PCDHA5: variants seen among roughly 807,000 people sequenced by gnomAD.
The protein encoded by PCDHA5 is protocadherin alpha 5.
In PCDHA5, 43 loss-of-function variants were observed where a neutral mutation model predicts 61.6. The observed-to-expected ratio is 0.70, with a 90% CI of 0.55 to 0.90. PCDHA5 has a LOEUF of 0.90. PCDHA5 is among the 40% of genes least tolerant of loss of function. The pLI is 0.00. For missense variants in PCDHA5, 1,298 were observed against 1,222.7 expected (o/e 1.06, Z -0.92); for synonymous variants, 627 against 543.9 (o/e 1.15, Z -2.13).
chr5:140,838,055 C>A (rs1775397584), intron 1 of PCDHA5, among the ~76,000 whole-genome samples: 1 of 145,046 alleles, frequency 6.9e-6, no homozygotes, highest in African/African-American at 2.6e-5. Flanking sequence ...TTTTGGTTTT[C>A]CACTTTAAGT....
chr5:140,843,455 G>C, intron 1 of PCDHA5: 1 of 1,596,110 alleles, frequency 6.3e-7, no homozygotes, highest in Non-Finnish European at 8.6e-7. Context: ...CAGCCTGCTG[G>C]TGCTCACGCT....
chr5:140,885,391 T>G, intron 1 of PCDHA5, among the ~76,000 whole-genome samples: 1 of 152,112 alleles, frequency 6.6e-6, no homozygotes, highest in East Asian at 1.9e-4. Context: ...TCCCTGCAAA[T>G]CTAATGGTTT....
intron 1 of PCDHA5, among the ~76,000 whole-genome samples, chr5:140,972,288 C>T (rs1263314074): frequency 2.0e-5 from 3 of 150,942 alleles, no homozygotes; most frequent in African/African-American, 4.9e-5. Context: ...CATAGATGTG[C>T]GCCACCGTGT....
intron 1 of PCDHA5, chr5:140,857,675 C>T (rs1343696069): frequency 3.1e-6 from 5 of 1,596,928 alleles, no homozygotes; most frequent in Admixed American, 3.4e-5. Context: ...GGGCGTGCCG[C>T]CTCTGGGCAG....
intron 3 of PCDHA5, among the ~76,000 whole-genome samples, chr5:141,002,223 T>C (rs2098066619): frequency 6.6e-6 from 1 of 151,974 alleles, no homozygotes. Flanking sequence ...AAATGATGGG[T>C]TTTCTGGAAG....
At position 141,010,329 on chromosome 5, in the gene PCDHA5, GTTTGTGGCCACTGGGTA is replaced by G. The variant is rs1554262887; in HGVS notation, c.*394_*410del. The G allele has an allele frequency of 1.9e-6, 3 of 1,538,554 alleles. No individual in the cohort carries two copies. The East Asian group carries it at 7.3e-5, about 38-fold the overall frequency. ...AGTTTTGAGATTGAGCAGCTTGGGA[GTTTGTGGCCACTGGGTA>G]TGTGTGGCTACCGCGGGTATGCGAG... On this transcript the variant is annotated 3_prime_UTR_variant, in exon 4 of 4. Coordinates refer to ENST00000529859, the MANE Select transcript of PCDHA5 (RefSeq NM_018908.3).
At chr5:141,006,528 T>A (rs1161709459) in intron 3 of PCDHA5, among the ~76,000 whole-genome samples, 1 of 152,092 alleles carries the variant, frequency 6.6e-6, no homozygotes, top group African/African-American at 2.4e-5. Context: ...ACATCAGTTT[T>A]TAAAGAGAGA....
chr5:140,883,950 A>G (rs373518493), intron 1 of PCDHA5: 3 of 1,613,288 alleles, frequency 1.9e-6, no homozygotes, highest in South Asian at 1.1e-5. Flanking sequence ...GAGAACGACA[A>G]CGCTCCGGCG....
chr5:141,000,005 C>T (rs2097888446), intron 3 of PCDHA5, among the ~76,000 whole-genome samples: 1 of 152,024 alleles, frequency 6.6e-6, no homozygotes. Context: ...ATTAGATTGG[C>T]CTCCCCATTG....
chr5:140,928,835 C>G (rs782027566), intron 1 of PCDHA5: 1 of 1,614,036 alleles, frequency 6.2e-7, no homozygotes, highest in African/African-American at 1.3e-5. Context: ...CCACTTTCCT[C>G]CTCTGTCACT....
At chr5:140,897,648 T>C (rs556362001) in intron 1 of PCDHA5, among the ~76,000 whole-genome samples, 1 of 152,302 alleles carries the variant, frequency 6.6e-6, no homozygotes, top group African/African-American at 2.4e-5. Flanking sequence ...ACAATAAACA[T>C]ACGTGTGCAT....
chr5:141,001,670 C>T (rs1554258276), intron 3 of PCDHA5, among the ~76,000 whole-genome samples: 1 of 151,900 alleles, frequency 6.6e-6, no homozygotes, highest in African/African-American at 2.4e-5. Flanking sequence ...CTTGTCCAGT[C>T]GGTCCAACAA....
intron 1 of PCDHA5, chr5:140,867,317 CTAA>C (rs1554161223): frequency 6.6e-6 from 1 of 151,956 alleles, no homozygotes; most frequent in African/African-American, 2.4e-5. Flanking sequence ...GTCATCTGGT[CTAA>C]TGTTATGTTT....
At chr5:140,848,867 G>A in intron 1 of PCDHA5, 1 of 1,590,766 alleles carries the variant, frequency 6.3e-7, no homozygotes, top group Non-Finnish European at 8.6e-7. Context: ...TGGAGGTGAA[G>A]GACATTAACG....
At chr5:140,971,892 G>T in intron 1 of PCDHA5, among the ~76,000 whole-genome samples, 1 of 151,812 alleles carries the variant, frequency 6.6e-6, no homozygotes, top group African/African-American at 2.4e-5. Context: ...AGCTCAGGGA[G>T]GTTAGGTAAT....
chr5:140,827,859 T>C (rs1769432236), intron 1 of PCDHA5: 1 of 511,426 alleles, frequency 2.0e-6, no homozygotes, highest in South Asian at 3.9e-5. Context: ...TAAAAATATA[T>C]GGTATAGCAC....
intron 1 of PCDHA5, among the ~76,000 whole-genome samples, chr5:140,919,753 T>C (rs1386045187): frequency 6.6e-6 from 1 of 152,212 alleles, no homozygotes; most frequent in Non-Finnish European, 1.5e-5. Flanking sequence ...ATTTCTCTTC[T>C]GCCTTTTGTA....
chr5:140,967,451 G>A, intron 1 of PCDHA5: 2 of 1,613,628 alleles, frequency 1.2e-6, no homozygotes, highest in South Asian at 2.2e-5. Flanking sequence ...GGTTCTCACA[G>A]CCGTGGATGG....
chr5:140,928,401 C>T, intron 1 of PCDHA5: 1 of 1,614,028 alleles, frequency 6.2e-7, no homozygotes, highest in Non-Finnish European at 8.5e-7. Flanking sequence ...TGGAATCATC[C>T]AGTGGGGCCA....
Sources: allele counts gnomAD v4.1 joint callset (sites outside exome capture counted in the v4.1 genomes callset), GRCh38; gene constraint gnomAD v4.1.1; transcripts MANE v1.5; gene names NCBI Gene and HGNC (gene_info 2026-07-23, HGNC 2026-07-21).